The following DSCAML1 variants were observed in gnomAD, a reference collection of about 807,000 sequenced individuals.
DSCAML1 encodes the protein DS cell adhesion molecule like 1.
A neutral mutation model predicts 200.5 loss-of-function variants in DSCAML1; 38 were observed. The observed-to-expected ratio is 0.19, with a 90% confidence interval of 0.15 to 0.25. DSCAML1 has a LOEUF of 0.25. DSCAML1 is among the 10% of genes least tolerant of loss of function. DSCAML1 has a pLI of 1.00. For missense variants in DSCAML1, 2,223 were observed against 2,858.8 expected, an observed-to-expected ratio of 0.78 and a Z score of 5.07; for synonymous variants, 1,215 against 1,165.0, an observed-to-expected ratio of 1.04 and a Z score of -0.87.
intron 20 of DSCAML1, among the ~76,000 whole-genome samples, chr11:117,447,344 G>A (rs1018045352): frequency 6.6e-6 from 1 of 152,064 alleles, no homozygotes; most frequent in African/African-American, 2.4e-5. Context: ...AGCACCAACA[G>A]GTATTCCATG....
At chr11:117,764,183 C>T (rs1380372581) in intron 3 of DSCAML1, among the ~76,000 whole-genome samples, 1 of 152,146 alleles carries the variant, frequency 6.6e-6, no homozygotes, top group African/African-American at 2.4e-5. Context: ...CAAGGCTGTC[C>T]CTAAAATTCA....
rs578075042 is a variant in DSCAML1 at position 117,447,627 on chromosome 11, C to G, written c.3708+2922G>C. ...ATGTATTATATTATTAGTAAAATGT[C>G]TACCAGGATTCAGTGTAGCTGTGGC... On this transcript the variant is annotated intron_variant, in intron 20 of 32. Transcript: ENST00000651296. 4.6e-5 allele frequency among the ~76,000 whole-genome samples: 7 copies of G among 152,244 alleles called. No individual in the cohort carries two copies. The East Asian group carries it at 1.4e-3, about 29-fold the overall frequency.
In DSCAML1 at chr11:117,771,428, A is replaced by G. The variant is rs78468950; in HGVS notation, c.511+5363T>C. ...TCTTGTTAGGATGGCTGTTTCGTTCACTGGTCTTTAAGCTGGAGATCTGTT... is the reference window on the plus strand; with the variant it reads ...TCTTGTTAGGATGGCTGTTTCGTTCGCTGGTCTTTAAGCTGGAGATCTGTT... On this transcript the variant is annotated intron_variant, in intron 3 of 32. Coordinates refer to ENST00000651296, the MANE Select transcript of DSCAML1 (RefSeq NM_020693.4). 5.1e-4 allele frequency among the ~76,000 whole-genome samples: 78 copies of G among 152,280 alleles called. No individual in the cohort carries two copies. The East Asian group carries it at 0.014, about 28-fold the overall frequency.
chr11:117,573,392 C>T (rs1302329619), intron 3 of DSCAML1, among the ~76,000 whole-genome samples: 1 of 152,264 alleles, frequency 6.6e-6, no homozygotes, highest in Non-Finnish European at 1.5e-5. Flanking sequence ...GCAGGGCTGC[C>T]TGTGACAGCC....
At chr11:117,558,561 C>A (rs539690188) in intron 3 of DSCAML1, among the ~76,000 whole-genome samples, 2 of 152,166 alleles carry the variant, frequency 1.3e-5, no homozygotes, top group Admixed American at 6.5e-5. Context: ...AGCCCAGGAG[C>A]TCAACACCAG....
chr11:117,651,013 C>A lies in DSCAML1; in HGVS notation c.512-118491G>T, dbSNP rs972737452. Among the ~76,000 whole-genome samples the A allele has an allele frequency of 2.0e-5, 3 of 152,364 alleles. No homozygotes were observed. The East Asian group carries it at 5.8e-4, about 29-fold the overall frequency. On this transcript the variant is annotated intron_variant, in intron 3 of 32. Transcript: ENST00000651296. The stretch of plus-strand genomic sequence containing the variant: ...CTGTGTGCCTAATTTGTCTTCCGTG[C>A]CTTTGTAGCCTGGAAAGCAACCCTG...
intron 3 of DSCAML1, among the ~76,000 whole-genome samples, chr11:117,663,943 G>A (rs1167045825): frequency 1.3e-5 from 2 of 152,176 alleles, no homozygotes; most frequent in South Asian, 2.1e-4. Context: ...CAGTGTTTCC[G>A]CTGAGCTGTA....
At chr11:117,728,914 T>C (rs1312073654) in intron 3 of DSCAML1, among the ~76,000 whole-genome samples, 1 of 152,200 alleles carries the variant, frequency 6.6e-6, no homozygotes, top group Non-Finnish European at 1.5e-5. Context: ...TTCCATAAGC[T>C]GATCTTTAAA....
At chr11:117,530,456 C>T (rs1426467496) in intron 4 of DSCAML1, among the ~76,000 whole-genome samples, 1 of 152,208 alleles carries the variant, frequency 6.6e-6, no homozygotes, top group Non-Finnish European at 1.5e-5. Context: ...GGAAATTGGG[C>T]TGCAGATTCC....
In DSCAML1 at chr11:117,525,082, G is replaced by T. The variant is rs1200998312; in HGVS notation, c.660C>A (p.Asp220Glu). 6.5e-7 allele frequency: 1 copy of T among 1,543,052 alleles called. No homozygotes were observed. The highest frequency in any genetic ancestry group is 8.7e-7 in the Non-Finnish European group (1 of 1,150,630). ...QSNGARLSVT[D>E]PAESIPTILD... ...GGATGGTGGGGATCGACTCAGCAGGGTCTGGAAGGCAGAGAGGGTCGGCAG... is the reference window on the plus strand; with the variant it reads ...GGATGGTGGGGATCGACTCAGCAGGTTCTGGAAGGCAGAGAGGGTCGGCAG... The change falls in exon 5 of 33, where the codon GAC becomes GAA. Residue 220 changes from aspartate to glutamate, a missense_variant and splice_region_variant. This residue lies in a region of DSCAML1 where 579 missense variants were observed against 721.5 expected (regional missense o/e 0.80). Transcript: ENST00000651296.
chr11:117,741,684 A>G (rs2054425641), intron 3 of DSCAML1, among the ~76,000 whole-genome samples: 1 of 152,212 alleles, frequency 6.6e-6, no homozygotes, highest in Non-Finnish European at 1.5e-5. Flanking sequence ...AGGCTGCTCC[A>G]CACAACACAG....
Position 117,525,102 on chromosome 11 carries a change from C to T in DSCAML1, c.659-19G>A, listed in dbSNP as rs368821791. ...GCAGGGTCTGGAAGGCAGAGAGGGT[C>T]GGCAGCCCTGGCCAGCCCTGGGTGG... On this transcript the variant is annotated intron_variant, in intron 4 of 32. Coordinates refer to ENST00000651296, the MANE Select transcript of DSCAML1 (RefSeq NM_020693.4). 1.0e-3 allele frequency: 1,582 copies of T among 1,517,896 alleles called. 1 individual carries two copies. Among genetic ancestry groups the T allele is most frequent in the Non-Finnish European group, 1.3e-3 (1,464 of 1,139,786 alleles). The allele number at this position is 1,517,896 out of a possible 1,614,324, so 94.0% of individuals were successfully genotyped here.
At chr11:117,591,008 T>C (rs547748528) in intron 3 of DSCAML1, among the ~76,000 whole-genome samples, 34 of 152,292 alleles carry the variant, frequency 2.2e-4, no homozygotes, top group African/African-American at 8.2e-4. Flanking sequence ...CACATCTTGA[T>C]AGTTGTGAAA....
At chr11:117,577,530 CTTCCT>C in intron 3 of DSCAML1, among the ~76,000 whole-genome samples, 6 of 48,742 alleles carry the variant, frequency 1.2e-4, no homozygotes, top group Non-Finnish European at 8.5e-5. Flanking sequence ...TCCTTCCTTC[CTTCCT>C]TTCCTTCCTT....
chr11:117,684,946 G>A (rs996727669), intron 3 of DSCAML1, among the ~76,000 whole-genome samples: 4 of 152,234 alleles, frequency 2.6e-5, no homozygotes, highest in African/African-American at 7.2e-5. Context: ...TGCCAGGGCC[G>A]GTCCAGCCGG....
chr11:117,794,155 T>G (rs958932897), intron 1 of DSCAML1, among the ~76,000 whole-genome samples: 1 of 151,508 alleles, frequency 6.6e-6, no homozygotes, highest in Non-Finnish European at 1.5e-5. Flanking sequence ...ATCGGAGAAG[T>G]TGGGGTGGGA....
At chr11:117,635,736 G>A (rs935361135) in intron 3 of DSCAML1, among the ~76,000 whole-genome samples, 1 of 152,094 alleles carries the variant, frequency 6.6e-6, no homozygotes, top group African/African-American at 2.4e-5. Flanking sequence ...TTATGAGAAA[G>A]GAGAAGAAAT....
chr11:117,475,003 C>T (rs920265080), intron 14 of DSCAML1, among the ~76,000 whole-genome samples: 1 of 152,126 alleles, frequency 6.6e-6, no homozygotes, highest in African/African-American at 2.4e-5. Context: ...GATCTGCCCA[C>T]CTTGGCCTCC....
intron 3 of DSCAML1, among the ~76,000 whole-genome samples, chr11:117,757,613 CACACACAATT>C (rs1211072440): frequency 2.0e-5 from 2 of 102,560 alleles, no homozygotes; most frequent in African/African-American, 3.3e-5. Context: ...CACACACACA[CACACACAATT>C]ATTTTTCCAC....
Sources: allele counts gnomAD v4.1 joint callset (sites outside exome capture counted in the v4.1 genomes callset), GRCh38; gene constraint gnomAD v4.1.1; regional missense constraint gnomAD v4.1.1; transcripts MANE v1.5; gene names NCBI Gene and HGNC (gene_info 2026-07-23, HGNC 2026-07-21).